SHTN1: variants seen among roughly 807,000 people sequenced by gnomAD.
SHTN1 encodes shootin 1, also known as shootin-1.
Under a neutral mutation model 83.1 loss-of-function variants are expected in SHTN1, and 42 were observed. The observed-to-expected ratio is 0.51, with a 90% CI of 0.39 to 0.65. The LOEUF (loss-of-function observed/expected upper bound fraction) is 0.65, where lower values mean the gene tolerates loss of function less well. Among genes scored for constraint, SHTN1 ranks in the 30% least tolerant of loss-of-function variants. SHTN1 has a pLI of 0.00. For synonymous variants in SHTN1, 224 were observed against 247.7 expected, an observed-to-expected ratio of 0.90 and a Z score of 0.90; for missense variants, 622 against 737.8, an observed-to-expected ratio of 0.84 and a Z score of 1.82.
At chr10:116,900,543 G>C in intron 16 of SHTN1, 1 of 1,534,000 alleles carries the variant, frequency 6.5e-7, no homozygotes. Context: ...CAGATTATCT[G>C]TGTAAAATGG....
intron 12 of SHTN1, among the ~76,000 whole-genome samples, chr10:116,919,163 G>C (rs908814361): frequency 6.6e-6 from 1 of 152,170 alleles, no homozygotes; most frequent in African/African-American, 2.4e-5. Context: ...GTGTCACAGA[G>C]AATCCCAATG....
In SHTN1 at chr10:117,012,673, C is replaced by T. The variant is rs570135497; in HGVS notation, c.-122-33365G>A. 1.1e-4 allele frequency among the ~76,000 whole-genome samples: 16 copies of T among 152,032 alleles called. No individual in the cohort carries two copies. The East Asian group carries it at 2.7e-3, about 26-fold the overall frequency. ...AAAAATGAGACACAAGAGAAAAAACCGTGTAACCTAAAGTCTGGCAATTAG... is the reference window on the plus strand; with the variant it reads ...AAAAATGAGACACAAGAGAAAAAACTGTGTAACCTAAAGTCTGGCAATTAG... On this transcript the variant is annotated intron_variant, in intron 2 of 17. Coordinates refer to the SHTN1 transcript ENST00000392901.
chr10:116,892,615 T>C (rs1170575709), intron 16 of SHTN1, among the ~76,000 whole-genome samples: 1 of 152,226 alleles, frequency 6.6e-6, no homozygotes, highest in African/African-American at 2.4e-5. Flanking sequence ...GAAAATACTG[T>C]TTTAAATGTA....
intron 9 of SHTN1, among the ~76,000 whole-genome samples, chr10:116,936,572 T>C (rs888866168): frequency 1.8e-4 from 27 of 152,114 alleles, no homozygotes; most frequent in African/African-American, 6.5e-4. Context: ...TGCCAAGGAG[T>C]GTTTTACATC....
chr10:116,913,778 C>T (rs974195736), intron 13 of SHTN1, among the ~76,000 whole-genome samples: 1 of 152,130 alleles, frequency 6.6e-6, no homozygotes, highest in Non-Finnish European at 1.5e-5. Context: ...ATCTTGACAA[C>T]AACCCCATGT....
intron 1 of SHTN1, among the ~76,000 whole-genome samples, chr10:116,987,414 T>C (rs766359906): frequency 1.3e-5 from 2 of 152,132 alleles, no homozygotes; most frequent in South Asian, 2.1e-4. Flanking sequence ...AATGGATAAA[T>C]AAACTGTGGT....
intron 1 of SHTN1, among the ~76,000 whole-genome samples, chr10:117,081,883 C>G (rs1292472846): frequency 2.0e-5 from 3 of 151,880 alleles, no homozygotes; most frequent in Non-Finnish European, 4.4e-5. Flanking sequence ...GTGGTGACAT[C>G]CCCTTTATCA....
intron 1 of SHTN1, among the ~76,000 whole-genome samples, chr10:117,077,085 G>C (rs950068913): frequency 3.3e-5 from 5 of 152,124 alleles, no homozygotes; most frequent in African/African-American, 4.8e-5. Context: ...AAGCCCTTAC[G>C]ATTTAAGAAG....
rs746195168 is a variant in SHTN1, at chr10:116,881,645, C to T, written c.*4699G>A. On this transcript the variant is annotated 3_prime_UTR_variant, in exon 17 of 17. Coordinates refer to ENST00000355371, the MANE Select transcript of SHTN1 (RefSeq NM_001127211.3). The stretch of plus-strand genomic sequence containing the variant: ...CCACACAAGGTGTAGAGGAATCAGC[C>T]GAAACAGGAGCATCCTCTGGATAGG... 93 of 1,547,152 alleles carry T rather than the reference C, an allele frequency of 6.0e-5. No homozygotes were observed. In the Middle Eastern group the frequency reaches 6.7e-4, roughly 11 times the overall value.
intron 2 of SHTN1, among the ~76,000 whole-genome samples, chr10:117,032,635 G>T (rs1430264921): frequency 1.3e-5 from 2 of 152,146 alleles, no homozygotes; most frequent in Non-Finnish European, 2.9e-5. Flanking sequence ...GCACTGGACA[G>T]ATCTAACAGA....
chr10:117,050,215 A>G (rs2133587522), intron 1 of SHTN1, among the ~76,000 whole-genome samples: 1 of 152,292 alleles, frequency 6.6e-6, no homozygotes, highest in South Asian at 2.1e-4. Flanking sequence ...AGCCTTCTTC[A>G]TTGGAAAACA....
chr10:116,939,323 G>C (rs1040079713), intron 9 of SHTN1, among the ~76,000 whole-genome samples: 7 of 152,210 alleles, frequency 4.6e-5, no homozygotes, highest in Admixed American at 4.6e-4. Flanking sequence ...CTCCTGGTCT[G>C]TGGGTTGCAA....
At chr10:116,959,560 G>A (rs1470851936) in intron 4 of SHTN1, among the ~76,000 whole-genome samples, 1 of 151,926 alleles carries the variant, frequency 6.6e-6, no homozygotes, top group Non-Finnish European at 1.5e-5. Flanking sequence ...ATAAGACAGA[G>A]ATAAAAAAAA....
chr10:116,989,437 G>A (rs958869109), intron 1 of SHTN1, among the ~76,000 whole-genome samples: 3 of 152,112 alleles, frequency 2.0e-5, no homozygotes, highest in Non-Finnish European at 4.4e-5. Context: ...AATATGAAGA[G>A]CTGGGGAGAA....
intron 2 of SHTN1, among the ~76,000 whole-genome samples, chr10:117,047,410 G>A (rs1852680659): frequency 6.6e-6 from 1 of 152,114 alleles, no homozygotes; most frequent in African/African-American, 2.4e-5. Flanking sequence ...ATTCAACACT[G>A]AGAAATGATT....
intron 16 of SHTN1, among the ~76,000 whole-genome samples, chr10:116,899,628 G>A (rs979295612): frequency 1.3e-5 from 2 of 151,968 alleles, no homozygotes; most frequent in African/African-American, 2.4e-5. Context: ...CCTTGACCTT[G>A]ATTCAGGTCA....
intron 2 of SHTN1, among the ~76,000 whole-genome samples, chr10:117,022,812 T>G (rs1403121855): frequency 6.6e-6 from 1 of 152,050 alleles, no homozygotes; most frequent in African/African-American, 2.4e-5. Context: ...TCCCCGCTAC[T>G]TGGGAGGCTG....
At chr10:117,015,090 TC>T (rs34626508) in intron 2 of SHTN1, among the ~76,000 whole-genome samples, 4 of 152,180 alleles carry the variant, frequency 2.6e-5, no homozygotes, top group Non-Finnish European at 4.4e-5. Context: ...ATTTTTTTTT[TC>T]CCTGACTGAT....
intron 12 of SHTN1, among the ~76,000 whole-genome samples, chr10:116,916,403 T>C (rs377313671): frequency 6.6e-6 from 1 of 152,154 alleles, no homozygotes; most frequent in Non-Finnish European, 1.5e-5. Flanking sequence ...CATATTTGAG[T>C]TTATCTAATA....
Sources: gnomAD v4.1 joint callset for allele counts (sites outside exome capture counted in the v4.1 genomes callset) on GRCh38, gnomAD v4.1.1 for gene constraint, MANE v1.5 for transcripts, NCBI Gene and HGNC (gene_info 2026-07-23, HGNC 2026-07-21) for gene names.